CCDC148: variants seen among roughly 807,000 people sequenced by gnomAD.
CCDC148 encodes coiled-coil domain containing 148.
CCDC148 carries 89 observed loss-of-function variants against 85.7 expected under a neutral mutation model. That is an observed-to-expected ratio of 1.04 (90% confidence interval 0.87 to 1.24). CCDC148 has a LOEUF of 1.24. Among genes scored for constraint, CCDC148 ranks in the 50% most tolerant of loss-of-function variants. The pLI is 0.00. For missense variants in CCDC148, 692 were observed against 671.7 expected, an observed-to-expected ratio of 1.03 and a Z score of -0.33; for synonymous variants, 230 against 213.9, an observed-to-expected ratio of 1.08 and a Z score of -0.66.
intron 1 of CCDC148, among the ~76,000 whole-genome samples, chr2:158,396,055 T>C (rs1025814891): frequency 6.6e-6 from 1 of 152,052 alleles, no homozygotes; most frequent in African/African-American, 2.4e-5. Flanking sequence ...TATCTCTTAT[T>C]GTATTGTGTC....
At chr2:158,389,408 C>A (rs1685215227) in intron 1 of CCDC148, among the ~76,000 whole-genome samples, 1 of 152,086 alleles carries the variant, frequency 6.6e-6, no homozygotes, top group Non-Finnish European at 1.5e-5. Flanking sequence ...TGACAGAATT[C>A]ATGCTAATTT....
intron 1 of CCDC148, among the ~76,000 whole-genome samples, chr2:158,392,984 T>A (rs1248020088): frequency 2.0e-5 from 3 of 152,120 alleles, no homozygotes; most frequent in African/African-American, 7.2e-5. Context: ...ACAAGTATTA[T>A]CTACAAGTCA....
intron 9 of CCDC148, among the ~76,000 whole-genome samples, chr2:158,266,759 T>C (rs1689470876): frequency 6.6e-6 from 1 of 152,070 alleles, no homozygotes; most frequent in Non-Finnish European, 1.5e-5. Flanking sequence ...CTTAGAATAA[T>C]AGTCTCCAAT....
chr2:158,319,832 C>A (rs1227110322), intron 7 of CCDC148, among the ~76,000 whole-genome samples: 1 of 152,154 alleles, frequency 6.6e-6, no homozygotes, highest in East Asian at 1.9e-4. Flanking sequence ...GAATACTCTG[C>A]AGCTGATTGT....
At chr2:158,304,511 C>A (rs967716701) in intron 9 of CCDC148, among the ~76,000 whole-genome samples, 4 of 152,152 alleles carry the variant, frequency 2.6e-5, no homozygotes, top group African/African-American at 9.7e-5. Context: ...TTACCTCTGG[C>A]AGGAACCCTG....
At chr2:158,346,847 C>T (rs1683019916) in intron 2 of CCDC148, among the ~76,000 whole-genome samples, 1 of 152,108 alleles carries the variant, frequency 6.6e-6, no homozygotes, top group African/African-American at 2.4e-5. Flanking sequence ...ATTGCTTTAA[C>T]CTTGAGTTTA....
intron 11 of CCDC148, among the ~76,000 whole-genome samples, chr2:158,215,804 G>A (rs72936005): frequency 0.026 from 4,008 of 152,088 alleles, 72 homozygotes; most frequent in Middle Eastern, 0.041. Flanking sequence ...GGCCTAACCC[G>A]CAATGTGATG....
At chr2:158,201,344 G>A (rs1026254502) in intron 11 of CCDC148, among the ~76,000 whole-genome samples, 4 of 151,824 alleles carry the variant, frequency 2.6e-5, no homozygotes, top group Admixed American at 6.6e-5. Flanking sequence ...TTAGGATTTC[G>A]TTCCAGTACT....
At chr2:158,413,342 G>T (rs1686350721) in intron 1 of CCDC148, among the ~76,000 whole-genome samples, 1 of 152,020 alleles carries the variant, frequency 6.6e-6, no homozygotes, top group Admixed American at 6.6e-5. Flanking sequence ...GGTCACTTCA[G>T]TGGGCTATCC....
chr2:158,262,470 A>G (rs1240844026), intron 9 of CCDC148, among the ~76,000 whole-genome samples: 1 of 152,014 alleles, frequency 6.6e-6, no homozygotes, highest in Admixed American at 6.6e-5. Context: ...ACATGAGTTT[A>G]CCTATGTAAC....
intron 9 of CCDC148, among the ~76,000 whole-genome samples, chr2:158,309,199 T>G (rs1477160969): frequency 6.6e-6 from 1 of 152,240 alleles, no homozygotes; most frequent in Non-Finnish European, 1.5e-5. Context: ...CAATCAAAAC[T>G]TTGATATTAA....
intron 9 of CCDC148, among the ~76,000 whole-genome samples, chr2:158,281,875 T>C (rs938685313): frequency 1.1e-4 from 16 of 152,214 alleles, no homozygotes; most frequent in African/African-American, 3.9e-4. Context: ...GCAAAAATCC[T>C]CAATAAAATA....
intron 9 of CCDC148, among the ~76,000 whole-genome samples, chr2:158,261,545 T>C (rs563688605): frequency 3.9e-5 from 6 of 152,128 alleles, no homozygotes; most frequent in African/African-American, 7.2e-5. Context: ...TTAGAGCTTC[T>C]AGACAGCAAA....
At chr2:158,335,094 C>T (rs10166831) in intron 7 of CCDC148, among the ~76,000 whole-genome samples, 25,596 of 152,036 alleles carry the variant, frequency 0.17, 3,471 homozygotes, top group African/African-American at 0.38. Flanking sequence ...AGGTGGACTT[C>T]CCATGCCATT....
intron 1 of CCDC148, among the ~76,000 whole-genome samples, chr2:158,362,957 A>G (rs949571269): frequency 1.3e-5 from 2 of 152,316 alleles, no homozygotes; most frequent in Admixed American, 6.5e-5. Context: ...AGAATCAAAT[A>G]GACACAATAA....
intron 11 of CCDC148, among the ~76,000 whole-genome samples, chr2:158,185,860 A>G (rs533374777): frequency 1.1e-4 from 17 of 152,054 alleles, no homozygotes; most frequent in Non-Finnish European, 2.2e-4. Context: ...GTTTATAGAG[A>G]ATTTAAAAAT....
intron 9 of CCDC148, among the ~76,000 whole-genome samples, chr2:158,278,999 G>A (rs1417985104): frequency 6.6e-6 from 1 of 152,168 alleles, no homozygotes; most frequent in Non-Finnish European, 1.5e-5. Context: ...AGACACCACT[G>A]CTGATAGCCA....
At chr2:158,304,870 T>C (rs1691608922) in intron 9 of CCDC148, among the ~76,000 whole-genome samples, 1 of 152,064 alleles carries the variant, frequency 6.6e-6, no homozygotes, top group Admixed American at 6.5e-5. Context: ...ACTATGGAAG[T>C]GGGTAAGAAG....
At chr2:158,205,954 C>T (rs895305998) in intron 11 of CCDC148, among the ~76,000 whole-genome samples, 4 of 152,124 alleles carry the variant, frequency 2.6e-5, no homozygotes, top group Non-Finnish European at 4.4e-5. Flanking sequence ...GCAGCACAAT[C>T]ATGCCTTCTT....
Sources: gnomAD v4.1 joint callset for allele counts (sites outside exome capture counted in the v4.1 genomes callset) on GRCh38, gnomAD v4.1.1 for gene constraint, MANE v1.5 for transcripts, NCBI Gene and HGNC (gene_info 2026-07-23, HGNC 2026-07-21) for gene names.